TLN2: variants seen among roughly 807,000 people sequenced by gnomAD.
The protein encoded by TLN2 is talin-2.
A neutral mutation model predicts 294.7 loss-of-function variants in TLN2; 118 were observed. The observed-to-expected ratio is 0.40, with a 90% CI of 0.34 to 0.47. The LOEUF is 0.47. TLN2 is among the 20% of genes least tolerant of loss of function. TLN2 has a pLI of 0.84. For synonymous variants in TLN2, 1,431 were observed against 1,304.5 expected (o/e 1.10, Z -2.09); for missense variants, 3,083 against 3,282.2 (o/e 0.94, Z 1.48).
chr15:62,436,894 T>C (rs1232933601), intron 1 of TLN2, among the ~76,000 whole-genome samples: 1 of 152,232 alleles, frequency 6.6e-6, no homozygotes, highest in African/African-American at 2.4e-5. Flanking sequence ...GCCTGGCTAA[T>C]TTTTAATTTT....
intron 37 of TLN2, among the ~76,000 whole-genome samples, chr15:62,756,392 C>G (rs2062251630): frequency 6.6e-6 from 1 of 152,128 alleles, no homozygotes; most frequent in African/African-American, 2.4e-5. Context: ...ACAGTCTGCC[C>G]TCAGCTAGGA....
Position 62,673,897 on chromosome 15 carries a change from G to A in TLN2, c.852+7G>A, listed in dbSNP as rs2055805397. The A allele has an allele frequency of 3.1e-6, 5 of 1,610,584 alleles. No homozygotes were observed. The highest frequency in any genetic ancestry group is 4.2e-6 in the Non-Finnish European group (5 of 1,177,204). On this transcript the variant is annotated splice_region_variant and intron_variant, in intron 10 of 58. Transcript: ENST00000636159. ...TGAAAAGAGGATCTTTCAGGTATTG[G>A]AAATGTACAGAACTTTATTATTCTC... is the stretch of plus-strand genomic sequence containing the variant.
In TLN2 at chr15:62,654,237, C is replaced by T. The variant is rs114340605; in HGVS notation, c.517+923C>T. ...CATACAGTCTGGATTTTCTTCATTGCATACCTATGGTGTCATTTAACATGT... is the reference window on the plus strand; with the variant it reads ...CATACAGTCTGGATTTTCTTCATTGTATACCTATGGTGTCATTTAACATGT... On this transcript the variant is annotated intron_variant, in intron 7 of 58. Coordinates refer to ENST00000636159, the MANE Select transcript of TLN2 (RefSeq NM_015059.3). Among the ~76,000 whole-genome samples the T allele has an allele frequency of 2.6e-3, 399 of 152,308 alleles. 1 individual carries two copies. The highest frequency in any genetic ancestry group is 9.2e-3 in the African/African-American group (384 of 41,564).
intron 3 of TLN2, among the ~76,000 whole-genome samples, chr15:62,642,981 C>T (rs957034476): frequency 9.2e-5 from 14 of 152,136 alleles, no homozygotes; most frequent in African/African-American, 2.4e-4. Flanking sequence ...GGATTACAGG[C>T]GTGAGCCACT....
chr15:62,755,280 C>T, intron 36 of TLN2: 1 of 420,542 alleles, frequency 2.4e-6, no homozygotes, highest in South Asian at 3.8e-5. Context: ...TCCTTTAAGA[C>T]TACCTGGGGC....
rs555282706 is a variant in TLN2 at position 62,582,815 on chromosome 15, G to A, written c.-237-6872G>A. Among the ~76,000 whole-genome samples, 75 of 152,254 alleles carry A rather than the reference G, an allele frequency of 4.9e-4. 1 individual carries two copies. Among genetic ancestry groups the A allele is most frequent in the African/African-American group, 1.3e-3 (54 of 41,556 alleles). On this transcript the variant is annotated intron_variant, in intron 1 of 58. Coordinates refer to ENST00000636159, the MANE Select transcript of TLN2 (RefSeq NM_015059.3). ...CTGTTGGAGGGAAGCTGGCAAGCAG[G>A]TGGGCCTGGGAAGGCTGCCACGGTA...
At chr15:62,542,543 A>G (rs2041757302) in intron 1 of TLN2, among the ~76,000 whole-genome samples, 3 of 152,154 alleles carry the variant, frequency 2.0e-5, no homozygotes, top group African/African-American at 2.4e-5. Flanking sequence ...ACTGCAGATA[A>G]CGGGAAAATA....
intron 1 of TLN2, among the ~76,000 whole-genome samples, chr15:62,535,469 C>T (rs374586201): frequency 0.018 from 2,074 of 117,890 alleles, 20 homozygotes; most frequent in Non-Finnish European, 0.027. Context: ...TCTGTGTGTA[C>T]ACACACACAC....
intron 1 of TLN2, among the ~76,000 whole-genome samples, chr15:62,501,283 TTTG>T (rs916995974): frequency 6.6e-6 from 1 of 152,154 alleles, no homozygotes; most frequent in Admixed American, 6.5e-5. Context: ...GCAAGTCCCT[TTTG>T]TTCCTATTTC....
At chr15:62,715,510 A>G (rs2059707604) in intron 22 of TLN2, among the ~76,000 whole-genome samples, 1 of 152,198 alleles carries the variant, frequency 6.6e-6, no homozygotes, top group African/African-American at 2.4e-5. Context: ...AGTTAAAATT[A>G]TATCCTTTCT....
At chr15:62,443,602 T>C (rs988334827) in intron 1 of TLN2, among the ~76,000 whole-genome samples, 2 of 152,218 alleles carry the variant, frequency 1.3e-5, no homozygotes, top group East Asian at 3.8e-4. Flanking sequence ...AAAGGAGCAT[T>C]GGAAAGAGAT....
At chr15:62,819,686 G>A in intron 53 of TLN2, 65 bp downstream of exon 53, 8 of 1,441,864 alleles carry the variant, frequency 5.5e-6, no homozygotes, top group Non-Finnish European at 7.6e-6. Context: ...ACAGCAGACT[G>A]AGCAGAGGAA....
chr15:62,740,459 G>GGTAGACAC (rs2061264125), intron 31 of TLN2, 171 bp from the exon 32 acceptor site: 1 of 746,548 alleles, frequency 1.3e-6, no homozygotes, highest in African/African-American at 1.7e-5. Context: ...TTTGGAGAAG[G>GGTAGACAC]GTAGACACTG....
At chr15:62,817,374 T>G (rs1024712170) in intron 52 of TLN2, among the ~76,000 whole-genome samples, 4 of 152,162 alleles carry the variant, frequency 2.6e-5, no homozygotes, top group Non-Finnish European at 5.9e-5. Context: ...ATGATATATA[T>G]ATAGGCCCTA....
In TLN2 at chr15:62,825,818, A is replaced by ATATATATATAAATATAT. The variant is rs1555521991; in HGVS notation, c.7002+5215_7002+5216insATAAATATATTATATAT. Among the ~76,000 whole-genome samples, 18 of 74,490 alleles carry ATATATATATAAATATAT rather than the reference A, an allele frequency of 2.4e-4. 2 individuals carry two copies. Among genetic ancestry groups the ATATATATATAAATATAT allele is most frequent in the Non-Finnish European group, 3.3e-4 (16 of 47,838 alleles). The allele number at this position is 74,490 out of a possible 152,430, so 48.9% of individuals were successfully genotyped here. A position where few individuals can be genotyped will look rare whatever the true frequency, so the allele number is the denominator to read the frequency against. On this transcript the variant is annotated intron_variant, in intron 54 of 58. Transcript: ENST00000636159. ...AATATATATTATATATTATATTATA[A>ATATATATATAAATATAT]TATATATTATAATATATAATATATA... is the stretch of plus-strand genomic sequence containing the variant.
At chr15:62,746,009 G>C (rs1029262463) in intron 32 of TLN2, among the ~76,000 whole-genome samples, 12 of 151,906 alleles carry the variant, frequency 7.9e-5, no homozygotes, top group African/African-American at 2.7e-4. Context: ...TTTGTCCCAA[G>C]TTTTTATTTG....
chr15:62,492,834 C>T (rs968846122), intron 1 of TLN2, among the ~76,000 whole-genome samples: 8 of 152,084 alleles, frequency 5.3e-5, no homozygotes, highest in Admixed American at 3.3e-4. Flanking sequence ...CACAGAATTC[C>T]ATAGCAGAAA....
rs1281745285 is a variant in TLN2 at position 62,840,474 on chromosome 15, CT to C, written c.7501-5del. The stretch of plus-strand genomic sequence containing the variant: ...TTAGGTCCATCCAGCTTGTTGCTTT[CT>C]TTCTAGATCATCGCCGCCCAGGAAG... On this transcript the variant is annotated splice_polypyrimidine_tract_variant and splice_region_variant and intron_variant, in intron 58 of 58. Transcript: ENST00000636159. 8.7e-6 allele frequency: 14 copies of C among 1,613,982 alleles called. No homozygotes were observed. Among genetic ancestry groups the C allele is most frequent in the Non-Finnish European group, 1.2e-5 (14 of 1,179,930 alleles).
At chr15:62,551,513 TACACACAC>T (rs56986714) in intron 1 of TLN2, among the ~76,000 whole-genome samples, 181 of 147,084 alleles carry the variant, frequency 1.2e-3, no homozygotes, top group Non-Finnish European at 2.1e-3. Flanking sequence ...CTACTAAAAA[TACACACAC>T]ACACACACAC....
Sources: allele counts gnomAD v4.1 joint callset (sites outside exome capture counted in the v4.1 genomes callset), GRCh38; gene constraint gnomAD v4.1.1; transcripts MANE v1.5; gene names NCBI Gene and HGNC (gene_info 2026-07-23, HGNC 2026-07-21).